TTLL5: variants seen among roughly 807,000 people sequenced by gnomAD.
The protein encoded by TTLL5 is tubulin tyrosine ligase like 5.
TTLL5 carries 132 observed loss-of-function variants against 168.4 expected under a neutral mutation model. That is an observed-to-expected ratio of 0.78 (90% CI 0.68 to 0.91). The LOEUF is 0.91. TTLL5 is among the 40% of genes least tolerant of loss of function. The pLI, the probability that TTLL5 is intolerant of heterozygous loss-of-function variation, is 0.00. For missense variants in TTLL5, 1,545 were observed against 1,581.5 expected, an observed-to-expected ratio of 0.98 and a Z score of 0.39; for synonymous variants, 546 against 558.6, an observed-to-expected ratio of 0.98 and a Z score of 0.32.
chr14:75,944,142 C>A (rs527708585), intron 31 of TTLL5, among the ~76,000 whole-genome samples: 1 of 152,296 alleles, frequency 6.6e-6, no homozygotes, highest in South Asian at 2.1e-4. Context: ...CAGTCAAATT[C>A]TTTCTTCTGA....
intron 12 of TTLL5, among the ~76,000 whole-genome samples, chr14:75,729,009 G>A (rs1888363213): frequency 6.6e-6 from 1 of 152,124 alleles, no homozygotes; most frequent in African/African-American, 2.4e-5. Flanking sequence ...AAATTCTTAG[G>A]GCTGGGAATA....
At chr14:75,786,958 C>T (rs1176488487) in intron 26 of TTLL5, among the ~76,000 whole-genome samples, 1 of 152,082 alleles carries the variant, frequency 6.6e-6, no homozygotes, top group Non-Finnish European at 1.5e-5. Context: ...CATGGTAAAA[C>T]CCAATCTCTA....
intron 31 of TTLL5, among the ~76,000 whole-genome samples, chr14:75,929,469 G>A (rs1184300574): frequency 1.3e-5 from 1 of 76,676 alleles, no homozygotes; most frequent in African/African-American, 4.2e-5. Flanking sequence ...TTTTTTTGGT[G>A]GGGATGGAGT....
intron 29 of TTLL5, among the ~76,000 whole-genome samples, chr14:75,873,050 A>G (rs9743685): frequency 0.87 from 131,468 of 150,844 alleles, 57,375 homozygotes; most frequent in East Asian, 0.92. Flanking sequence ...AACTATATGC[A>G]TACTGTACCA....
At chr14:75,899,255 A>G (rs1183706471) in intron 30 of TTLL5, among the ~76,000 whole-genome samples, 2 of 152,208 alleles carry the variant, frequency 1.3e-5, no homozygotes, top group East Asian at 3.9e-4. Flanking sequence ...GGGAACACAT[A>G]CATACCTCCC....
At chr14:75,903,701 G>A (rs1200407401) in intron 31 of TTLL5, among the ~76,000 whole-genome samples, 2 of 151,734 alleles carry the variant, frequency 1.3e-5, no homozygotes, top group African/African-American at 2.4e-5. Flanking sequence ...ACCAGCCTGG[G>A]CAACAAAGTG....
At chr14:75,716,601 T>C (rs1887477680) in intron 9 of TTLL5, among the ~76,000 whole-genome samples, 1 of 152,098 alleles carries the variant, frequency 6.6e-6, no homozygotes, top group South Asian at 2.1e-4. Flanking sequence ...CTTGTGGCCT[T>C]CTTTTTTTTT....
At chr14:75,721,712 G>T (rs1454867858) in intron 12 of TTLL5, among the ~76,000 whole-genome samples, 1 of 152,174 alleles carries the variant, frequency 6.6e-6, no homozygotes, top group Admixed American at 6.5e-5. Flanking sequence ...CAAATGAGAT[G>T]ATGCACGCAA....
At chr14:75,850,767 G>T (rs1394637027) in intron 28 of TTLL5, among the ~76,000 whole-genome samples, 4 of 152,110 alleles carry the variant, frequency 2.6e-5, no homozygotes, top group Non-Finnish European at 5.9e-5. Flanking sequence ...AAATTCAAGT[G>T]TAAAGAAGAC....
chr14:75,723,160 A>G (rs1385969804), intron 12 of TTLL5, among the ~76,000 whole-genome samples: 1 of 151,898 alleles, frequency 6.6e-6, no homozygotes. Flanking sequence ...TCACTACGTT[A>G]CCCAGTCTGG....
At chr14:75,819,002 A>G (rs1347798109) in intron 27 of TTLL5, among the ~76,000 whole-genome samples, 1 of 152,126 alleles carries the variant, frequency 6.6e-6, no homozygotes, top group Non-Finnish European at 1.5e-5. Context: ...TCTGCCATTT[A>G]TTTCTAGGCC....
At chr14:75,678,269 T>A (rs1451937880) in intron 3 of TTLL5, among the ~76,000 whole-genome samples, 1 of 152,224 alleles carries the variant, frequency 6.6e-6, no homozygotes, top group Non-Finnish European at 1.5e-5. Flanking sequence ...AATCACCCAT[T>A]ACTTACATTT....
intron 31 of TTLL5, among the ~76,000 whole-genome samples, chr14:75,940,023 ATTGT>A (rs2034548695): frequency 6.6e-6 from 1 of 151,378 alleles, no homozygotes; most frequent in East Asian, 1.9e-4. Flanking sequence ...AGCTCGTAGC[ATTGT>A]TTTACTCTAC....
At position 75,930,590 on chromosome 14, in the gene TTLL5, G is replaced by A. The variant is rs372871431; in HGVS notation, c.3824-23834G>A. The A allele has an allele frequency of 4.8e-5, 47 of 984,798 alleles. No individual in the cohort carries two copies. The South Asian group carries it at 9.9e-4, about 21-fold the overall frequency. The allele number at this position is 984,798 out of a possible 1,614,324, so 61.0% of individuals were successfully genotyped here. ...TATTATTAATTAAATATCTACTGAC[G>A]TTTCTTGCAGAGAACAAGAAATTCA... On this transcript the variant is annotated intron_variant, in intron 31 of 31. Coordinates refer to ENST00000298832, the MANE Select transcript of TTLL5 (RefSeq NM_015072.5).
intron 31 of TTLL5, among the ~76,000 whole-genome samples, chr14:75,940,075 A>ACCTTTTTTTT: frequency 7.8e-6 from 1 of 128,538 alleles, no homozygotes; most frequent in Admixed American, 9.9e-5. Flanking sequence ...AAGAAATTAA[A>ACCTTTTTTTT]TCTTTTTTTT....
At chr14:75,755,675 A>G (rs1470831431) in intron 18 of TTLL5, among the ~76,000 whole-genome samples, 2 of 152,138 alleles carry the variant, frequency 1.3e-5, no homozygotes, top group Non-Finnish European at 2.9e-5. Context: ...GTAGGCACAC[A>G]CACGGAAACA....
chr14:75,949,186 A>G (rs1012311600), intron 31 of TTLL5, among the ~76,000 whole-genome samples: 1 of 152,006 alleles, frequency 6.6e-6, no homozygotes, highest in Admixed American at 6.6e-5. Flanking sequence ...TTACATTTCT[A>G]TATTTCTGCA....
chr14:75,896,191 C>A (rs527945148), intron 30 of TTLL5, among the ~76,000 whole-genome samples: 7 of 149,472 alleles, frequency 4.7e-5, no homozygotes, highest in African/African-American at 1.2e-4. Context: ...GAATCATAAA[C>A]CCTAGACTGA....
At chr14:75,929,952 G>A (rs1222081480) in intron 31 of TTLL5, among the ~76,000 whole-genome samples, 1 of 152,056 alleles carries the variant, frequency 6.6e-6, no homozygotes, top group Admixed American at 6.5e-5. Flanking sequence ...TCATTATTTG[G>A]AAAAATAAAA....
Sources: gnomAD v4.1 joint callset for allele counts (sites outside exome capture counted in the v4.1 genomes callset) on GRCh38, gnomAD v4.1.1 for gene constraint, MANE v1.5 for transcripts, NCBI Gene and HGNC (gene_info 2026-07-23, HGNC 2026-07-21) for gene names.